The following BLVRB variants were observed in gnomAD, a reference collection of about 807,000 sequenced individuals.
BLVRB encodes the protein biliverdin reductase B.
BLVRB carries 25 observed loss-of-function variants against 21.1 expected under a neutral mutation model. The ratio of observed to expected loss-of-function variants is 1.19; its 90% confidence interval spans 0.86 to 1.66. The LOEUF is 1.66. BLVRB is among the 40% of genes most tolerant of loss of function. The pLI is 0.00. For synonymous variants in BLVRB, 128 were observed against 122.2 expected (o/e 1.05, Z -0.31); for missense variants, 274 against 282.7 (o/e 0.97, Z 0.22).
rs3745207 is a variant in BLVRB, at chr19:40,451,456, C to T, written c.371G>A (p.Arg124Gln). Residue 124 changes from arginine (R) to glutamine (Q), a missense_variant, in exon 4 of 5, where the codon CGA (arginine) becomes CAA (glutamine). Physicochemically the swap from Arg to Gln is conservative, Grantham distance 43. Transcript: ENST00000263368. The part of the protein sequence containing the change: ...LLWDPTKVPP[R>Q]LQAVTDDHIR... The stretch of plus-strand genomic sequence containing the variant: ...GTGGTCATCAGTCACAGCCTGCAGT[C>T]GTGGGGGCACCTTGGTAGGGTCCCA... The T allele has an allele frequency of 6.8e-6, 11 of 1,612,352 alleles. No individual in the cohort carries two copies. In the East Asian group the frequency reaches 8.9e-5, roughly 13 times the overall value.
rs1223233988 is a variant in BLVRB, at chr19:40,460,245, A to AATATATATATATATAT, written c.80-1701_80-1700insATATATATATATATAT. 6.5e-3 allele frequency among the ~76,000 whole-genome samples: 345 copies of AATATATATATATATAT among 53,464 alleles called. 15 individuals are homozygous for AATATATATATATATAT. The highest frequency in any genetic ancestry group is 0.023 in the Middle Eastern group (3 of 130). The allele number at this position is 53,464 out of a possible 152,430, so 35.1% of individuals were successfully genotyped here. On this transcript the variant is annotated intron_variant, in intron 1 of 4. Transcript: ENST00000263368. ...TAACATTTGGGTATACTGTAATAGC[A>AATATATATATATATAT]ACATATATATATATATATATATATA...
intron 1 of BLVRB, among the ~76,000 whole-genome samples, chr19:40,463,828 C>T (rs2079798895): frequency 6.7e-6 from 1 of 149,966 alleles, no homozygotes; most frequent in African/African-American, 2.5e-5. Context: ...AATGCAGTGG[C>T]GTAATCTCGG....
chr19:40,459,657 G>A (rs1168031401), intron 1 of BLVRB, among the ~76,000 whole-genome samples: 4 of 151,864 alleles, frequency 2.6e-5, no homozygotes, highest in African/African-American at 4.8e-5. Context: ...TGCAACCTCC[G>A]CCTCCCAAGT....
chr19:40,460,270 A>ATATATATATATG (rs1336577975), intron 1 of BLVRB, among the ~76,000 whole-genome samples: 9 of 126,354 alleles, frequency 7.1e-5, no homozygotes, highest in African/African-American at 2.9e-4. Flanking sequence ...ATATATATAT[A>ATATATATATATG]TATATTTAGA....
At chr19:40,452,630 TGAG>T (rs1280158840) in intron 3 of BLVRB, among the ~76,000 whole-genome samples, 1 of 152,020 alleles carries the variant, frequency 6.6e-6, no homozygotes, top group African/African-American at 2.4e-5. Context: ...TTTGGGAGAC[TGAG>T]GAGGCCAGAT....
At chr19:40,449,979 C>G (rs1023631412) in intron 4 of BLVRB, among the ~76,000 whole-genome samples, 1 of 151,686 alleles carries the variant, frequency 6.6e-6, no homozygotes, top group Non-Finnish European at 1.5e-5. Flanking sequence ...GTGGGCAGAT[C>G]ACGAGGTCAA....
In BLVRB at chr19:40,447,880, G is replaced by T; in HGVS notation, c.*9C>A. The T allele has an allele frequency of 6.2e-7, 1 of 1,611,304 alleles. No individual in the cohort carries two copies. Among genetic ancestry groups the T allele is most frequent in the Non-Finnish European group, 8.5e-7 (1 of 1,177,776 alleles). Reference sequence around the variant, plus strand: ...CCAGAATGCCACCCTCCCAGATGGGGACAGAGTGCTACTGGTACTGGTGGG... The same window carrying T: ...CCAGAATGCCACCCTCCCAGATGGGTACAGAGTGCTACTGGTACTGGTGGG... On this transcript the variant is annotated 3_prime_UTR_variant, in exon 5 of 5. Coordinates refer to ENST00000263368, the MANE Select transcript of BLVRB (RefSeq NM_000713.3).
At chr19:40,454,288 C>T (rs907333193) in intron 3 of BLVRB, among the ~76,000 whole-genome samples, 8 of 152,118 alleles carry the variant, frequency 5.3e-5, no homozygotes, top group Admixed American at 1.3e-4. Context: ...GCCACCACAC[C>T]TGGCTAGTTT....
Position 40,465,592 on chromosome 19 carries a change from G to C in BLVRB, c.79+18C>G. 1.9e-6 allele frequency: 3 copies of C among 1,605,138 alleles called. No homozygotes were observed. Among genetic ancestry groups the C allele is most frequent in the Non-Finnish European group, 2.5e-6 (3 of 1,177,142 alleles). On this transcript the variant is annotated intron_variant, in intron 1 of 4. Coordinates refer to ENST00000263368, the MANE Select transcript of BLVRB (RefSeq NM_000713.3). ...GCCCGTCTGTCCCGTGACATGCCCCGCCCGCCCCGGCTCATGCCTGCTTGC... is the reference window on the plus strand; with the variant it reads ...GCCCGTCTGTCCCGTGACATGCCCCCCCCGCCCCGGCTCATGCCTGCTTGC...
At chr19:40,461,569 G>A (rs1036297637) in intron 1 of BLVRB, among the ~76,000 whole-genome samples, 4 of 150,984 alleles carry the variant, frequency 2.6e-5, no homozygotes, top group Non-Finnish European at 4.4e-5. Context: ...GTGCAGTCTC[G>A]GCTCACTGCA....
intron 3 of BLVRB, chr19:40,457,860 C>A: frequency 2.4e-6 from 1 of 410,136 alleles, no homozygotes. Context: ...TAGTTTCTCC[C>A]ATTGTGGCCC....
chr19:40,456,424 ATGTT>A (rs1274111119), intron 3 of BLVRB, among the ~76,000 whole-genome samples: 2 of 150,116 alleles, frequency 1.3e-5, no homozygotes, highest in African/African-American at 2.5e-5. Context: ...CCTTGTCTCT[ATGTT>A]TGTTTTTTTT....
At chr19:40,454,802 C>T (rs1427085670) in intron 3 of BLVRB, among the ~76,000 whole-genome samples, 1 of 152,124 alleles carries the variant, frequency 6.6e-6, no homozygotes, top group African/African-American at 2.4e-5. Context: ...ACCTTGGCCT[C>T]CCAAAGTGCT....
At chr19:40,454,713 T>G (rs951861864) in intron 3 of BLVRB, among the ~76,000 whole-genome samples, 3 of 151,878 alleles carry the variant, frequency 2.0e-5, no homozygotes, top group Non-Finnish European at 2.9e-5. Flanking sequence ...GCCTGGCTAA[T>G]TTTTTGTATT....
At chr19:40,458,780 ACCTCCGGGGTTCAACTGAT>A (rs1476869816) in intron 1 of BLVRB, among the ~76,000 whole-genome samples, 1 of 151,882 alleles carries the variant, frequency 6.6e-6, no homozygotes, top group African/African-American at 2.4e-5. Flanking sequence ...TGCAGCCTCA[ACCTCCGGGGTTCAACTGAT>A]CCTCCCATCT....
intron 1 of BLVRB, among the ~76,000 whole-genome samples, chr19:40,462,241 G>C (rs1005517773): frequency 6.6e-6 from 1 of 152,024 alleles, no homozygotes; most frequent in African/African-American, 2.4e-5. Context: ...TCACACATGG[G>C]GGAGCAGCAG....
At position 40,454,197 on chromosome 19, in the gene BLVRB, A is replaced by C. The variant is rs1307635879; in HGVS notation, c.335-2705T>G. Among the ~76,000 whole-genome samples, 7 of 151,848 alleles carry C rather than the reference A, an allele frequency of 4.6e-5. No individual in the cohort carries two copies. In the East Asian group the frequency reaches 1.2e-3, roughly 25 times the overall value. On this transcript the variant is annotated intron_variant, in intron 3 of 4. Transcript: ENST00000263368. Reference sequence around the variant, plus strand: ...GGCGGTAGCGAGCTATGATGACATCATTCTCACTGCAACCTCCACCTACAA... The same window carrying C: ...GGCGGTAGCGAGCTATGATGACATCCTTCTCACTGCAACCTCCACCTACAA...
rs749951740 is a variant in BLVRB, at chr19:40,458,335, G to A, written c.244+46C>T. 5.3e-6 allele frequency: 8 copies of A among 1,521,338 alleles called. No homozygotes were observed. In the Admixed American group the frequency reaches 8.1e-5, roughly 15 times the overall value. The allele number at this position is 1,521,338 out of a possible 1,614,324, so 94.2% of individuals were successfully genotyped here. A position where few individuals can be genotyped will look rare whatever the true frequency, so the allele number is the denominator to read the frequency against. On this transcript the variant is annotated intron_variant, in intron 2 of 4. Transcript: ENST00000263368. ...GGCCGGGGGCGGGGGTGGCGCTGGG[G>A]GCCGAGGTGTAGGGGAGGGCCGTGG...
At chr19:40,450,151 A>G (rs570379249) in intron 4 of BLVRB, 1 of 135,872 alleles carries the variant, frequency 7.4e-6, no homozygotes, top group East Asian at 2.3e-4. Context: ...GTGAGCCAAG[A>G]TCGCACCACT....
Sources: gnomAD v4.1 joint callset for allele counts (sites outside exome capture counted in the v4.1 genomes callset) on GRCh38, gnomAD v4.1.1 for gene constraint, MANE v1.5 for transcripts, NCBI Gene and HGNC (gene_info 2026-07-23, HGNC 2026-07-21) for gene names.